The following TMEM135 variants were observed in gnomAD, a reference collection of about 807,000 sequenced individuals.
TMEM135 encodes transmembrane protein 135.
In TMEM135, 30 loss-of-function variants were observed where a neutral mutation model predicts 60.3. The ratio of observed to expected loss-of-function variants is 0.50; its 90% CI spans 0.37 to 0.68. The LOEUF (loss-of-function observed/expected upper bound fraction) is 0.68. Ranked by LOEUF, TMEM135 falls within the 30% of genes least tolerant of loss-of-function variation. TMEM135 has a pLI of 0.00. For missense variants in TMEM135, 468 were observed against 548.8 expected, an observed-to-expected ratio of 0.85 and a Z score of 1.47; for synonymous variants, 190 against 186.7, an observed-to-expected ratio of 1.02 and a Z score of -0.14.
intron 3 of TMEM135, among the ~76,000 whole-genome samples, chr11:87,090,275 T>C (rs1324264596): frequency 6.6e-6 from 1 of 152,180 alleles, no homozygotes. Context: ...GTCCCTCAAA[T>C]GTTCCCTAAT....
At chr11:87,122,873 T>C (rs1179825660) in intron 4 of TMEM135, among the ~76,000 whole-genome samples, 1 of 152,178 alleles carries the variant, frequency 6.6e-6, no homozygotes, top group African/African-American at 2.4e-5. Context: ...AGGTATTAAT[T>C]CCTCCCTTAA....
chr11:87,259,031 C>T lies in TMEM135; in HGVS notation c.509+22347C>T, dbSNP rs554204550. 1.2e-4 allele frequency: 174 copies of T among 1,492,016 alleles called. 1 individual carries two copies. Among genetic ancestry groups the T allele is most frequent in the Admixed American group, 7.6e-4 (45 of 59,434 alleles). The allele number at this position is 1,492,016 out of a possible 1,614,324, so 92.4% of individuals were successfully genotyped here. A position where few individuals can be genotyped will look rare whatever the true frequency, so the allele number is the denominator to read the frequency against. On this transcript the variant is annotated intron_variant, in intron 6 of 14. Coordinates refer to ENST00000305494, the MANE Select transcript of TMEM135 (RefSeq NM_022918.4). ...GAAGTGGTCCCAATCCACACGGCTGCCCTGGGAAACCTGTACATTTTGTGA... is the reference window on the plus strand; with the variant it reads ...GAAGTGGTCCCAATCCACACGGCTGTCCTGGGAAACCTGTACATTTTGTGA...
At chr11:87,089,736 A>G (rs557038791) in intron 3 of TMEM135, among the ~76,000 whole-genome samples, 4 of 152,054 alleles carry the variant, frequency 2.6e-5, no homozygotes, top group Admixed American at 2.6e-4. Context: ...TGTTAATGTT[A>G]CCCTAATTTT....
In TMEM135 at chr11:87,326,370, C is replaced by G. The variant is rs138715081; in HGVS notation, c.*5037C>G. Reference sequence around the variant, plus strand: ...ACTTTCCTCCATCCCTGAACTAGGACCAGTTAATTTTCGAAGTCTAGTTCT... The same window carrying G: ...ACTTTCCTCCATCCCTGAACTAGGAGCAGTTAATTTTCGAAGTCTAGTTCT... On this transcript the variant is annotated 3_prime_UTR_variant, in exon 15 of 15. Coordinates refer to ENST00000305494, the MANE Select transcript of TMEM135 (RefSeq NM_022918.4). The G allele has an allele frequency of 1.5e-3, 666 of 454,088 alleles. No homozygotes were observed. Among genetic ancestry groups the G allele is most frequent in the Middle Eastern group, 4.2e-3 (6 of 1,444 alleles). 28.1% of individuals were successfully genotyped at this position (454,088 alleles called of 1,614,324 possible). A position where few individuals can be genotyped will look rare whatever the true frequency, so the allele number is the denominator to read the frequency against.
chr11:87,067,603 A>G, intron 1 of TMEM135, 91 bp from the exon 2 acceptor site: 2 of 1,539,940 alleles, frequency 1.3e-6, no homozygotes, highest in Non-Finnish European at 1.8e-6. Flanking sequence ...TAACTTATAA[A>G]TATATGCTTT....
intron 4 of TMEM135, among the ~76,000 whole-genome samples, chr11:87,152,584 A>G (rs953609747): frequency 8.5e-5 from 13 of 152,224 alleles, no homozygotes; most frequent in African/African-American, 3.1e-4. Flanking sequence ...GATTACAGGC[A>G]TGTGCCACCA....
intron 8 of TMEM135, among the ~76,000 whole-genome samples, chr11:87,305,581 C>A (rs991585713): frequency 6.6e-6 from 1 of 152,030 alleles, no homozygotes; most frequent in Non-Finnish European, 1.5e-5. Flanking sequence ...CGAGACCAGC[C>A]TGGCCAACAT....
At chr11:87,270,172 G>A (rs1310683612) in intron 6 of TMEM135, among the ~76,000 whole-genome samples, 4 of 149,684 alleles carry the variant, frequency 2.7e-5, no homozygotes, top group African/African-American at 4.9e-5. Context: ...CATGTCCTTT[G>A]CCCACTTTTT....
At chr11:87,312,419 A>G (rs1942655139) in intron 10 of TMEM135, among the ~76,000 whole-genome samples, 1 of 151,784 alleles carries the variant, frequency 6.6e-6, no homozygotes, top group African/African-American at 2.4e-5. Flanking sequence ...AGGATTTAAC[A>G]TTTATCGTTT....
chr11:87,131,546 T>C (rs503952), intron 4 of TMEM135, among the ~76,000 whole-genome samples: 49,000 of 152,010 alleles, frequency 0.32, 8,481 homozygotes, highest in East Asian at 0.62. Context: ...ATTTATTGCC[T>C]AAGACTACCA....
At chr11:87,292,587 T>C (rs1366057275) in intron 6 of TMEM135, among the ~76,000 whole-genome samples, 2 of 146,874 alleles carry the variant, frequency 1.4e-5, no homozygotes, top group African/African-American at 5.1e-5. Flanking sequence ...TTGTGTTTCA[T>C]AGTTAGGTTA....
At chr11:87,153,801 A>G (rs1222693412) in intron 4 of TMEM135, among the ~76,000 whole-genome samples, 2 of 152,180 alleles carry the variant, frequency 1.3e-5, no homozygotes, top group Admixed American at 6.5e-5. Context: ...TAAACTAACC[A>G]ATCAATATCC....
intron 6 of TMEM135, 67 bp downstream of exon 6, chr11:87,236,751 C>A: frequency 6.9e-7 from 1 of 1,456,222 alleles, no homozygotes; most frequent in Non-Finnish European, 9.6e-7. Flanking sequence ...TCATCAACCA[C>A]GAAACTAAAG....
intron 5 of TMEM135, among the ~76,000 whole-genome samples, chr11:87,232,870 A>T (rs1215172395): frequency 1.3e-5 from 2 of 152,148 alleles, no homozygotes. Context: ...ATACTCAGTT[A>T]CTGGGGGCAG....
intron 5 of TMEM135, among the ~76,000 whole-genome samples, chr11:87,212,166 T>C (rs572470777): frequency 6.6e-6 from 1 of 152,282 alleles, no homozygotes; most frequent in African/African-American, 2.4e-5. Flanking sequence ...GGTAGTACAA[T>C]TAATCTGCAT....
intron 6 of TMEM135, among the ~76,000 whole-genome samples, chr11:87,284,296 T>C (rs1302403517): frequency 6.6e-6 from 1 of 152,236 alleles, no homozygotes; most frequent in Non-Finnish European, 1.5e-5. Context: ...AGGAAATTTA[T>C]TCTGATTAAC....
intron 4 of TMEM135, among the ~76,000 whole-genome samples, chr11:87,122,301 T>A (rs1340044125): frequency 7.1e-6 from 1 of 141,092 alleles, no homozygotes; most frequent in Non-Finnish European, 1.5e-5. Context: ...AGGTTTATGT[T>A]TTGCTAGGTT....
At chr11:87,171,984 G>A (rs1289130670) in intron 5 of TMEM135, among the ~76,000 whole-genome samples, 1 of 152,136 alleles carries the variant, frequency 6.6e-6, no homozygotes, top group Non-Finnish European at 1.5e-5. Context: ...ACCTCCTGTT[G>A]TGCGGCCTGG....
chr11:87,285,186 TA>T (rs1942141457), intron 6 of TMEM135, among the ~76,000 whole-genome samples: 1 of 152,230 alleles, frequency 6.6e-6, no homozygotes, highest in South Asian at 2.1e-4. Context: ...AATACTAAAT[TA>T]TAAGTTAGTA....
Sources: gnomAD v4.1 joint callset for allele counts (sites outside exome capture counted in the v4.1 genomes callset) on GRCh38, gnomAD v4.1.1 for gene constraint, MANE v1.5 for transcripts, NCBI Gene and HGNC (gene_info 2026-07-23, HGNC 2026-07-21) for gene names.